The following GRIN2B variants were observed in gnomAD, a reference collection of about 807,000 sequenced individuals.
GRIN2B encodes glutamate ionotropic receptor NMDA type subunit 2B, also known as glutamate receptor ionotropic, NMDA 2B.
GRIN2B carries 5 observed loss-of-function variants against 114.5 expected under a neutral mutation model. The ratio of observed to expected loss-of-function variants is 0.04; its 90% CI spans 0.02 to 0.09. GRIN2B has a LOEUF of 0.09. GRIN2B is among the 10% of genes least tolerant of loss of function. GRIN2B has a pLI of 1.00. For missense variants in GRIN2B, 1,108 were observed against 1,943.5 expected (o/e 0.57, Z 8.08); for synonymous variants, 787 against 745.1 (o/e 1.06, Z -0.92).
At position 13,544,594 on chromosome 12, in the gene GRIN2B, G is replaced by C. The variant is rs1440652926; in HGVS notation, c.*18189C>G. On this transcript the variant is annotated 3_prime_UTR_variant, in exon 14 of 14. Coordinates refer to ENST00000609686, the MANE Select transcript of GRIN2B (RefSeq NM_000834.5). ...TTAAACTATAAGGCTTTCCTTCCCA[G>C]TCAGCCTCACCTGCAGGATTCCTGT... 1 of 152,120 alleles carries C rather than the reference G, an allele frequency of 6.6e-6. No homozygotes were observed. The highest frequency in any genetic ancestry group is 1.5e-5 in the Non-Finnish European group (1 of 68,052). The allele number at this position is 152,120 out of a possible 1,614,324, so 9.4% of individuals were successfully genotyped here.
intron 4 of GRIN2B, among the ~76,000 whole-genome samples, chr12:13,701,554 C>T (rs1027293077): frequency 1.3e-5 from 2 of 151,832 alleles, no homozygotes; most frequent in African/African-American, 2.4e-5. Context: ...CAGTTCCTGC[C>T]ACCACAGTGT....
chr12:13,726,116 A>G (rs1862979706), intron 4 of GRIN2B, among the ~76,000 whole-genome samples: 1 of 152,066 alleles, frequency 6.6e-6, no homozygotes, highest in Non-Finnish European at 1.5e-5. Flanking sequence ...CCTCTTAGCC[A>G]TTTCAGCATT....
intron 5 of GRIN2B, among the ~76,000 whole-genome samples, chr12:13,665,573 T>C (rs964730335): frequency 1.3e-5 from 2 of 152,218 alleles, no homozygotes; most frequent in East Asian, 1.9e-4. Flanking sequence ...TAGATGTAAA[T>C]GTCTACACCC....
chr12:13,926,206 G>C (rs989184322), intron 2 of GRIN2B, among the ~76,000 whole-genome samples: 2 of 152,150 alleles, frequency 1.3e-5, no homozygotes, highest in African/African-American at 2.4e-5. Context: ...GACCAGGCCA[G>C]GGAACTACTA....
intron 3 of GRIN2B, among the ~76,000 whole-genome samples, chr12:13,856,681 T>G (rs1461340765): frequency 6.6e-6 from 1 of 152,186 alleles, no homozygotes; most frequent in African/African-American, 2.4e-5. Flanking sequence ...TCTCAGATCC[T>G]TTATCATCTG....
Position 13,564,658 on chromosome 12 carries a change from G to T in GRIN2B, c.2599-19C>A, listed in dbSNP as rs3751258. 1.7e-4 allele frequency: 272 copies of T among 1,610,120 alleles called. 2 individuals are homozygous for T. The East Asian group carries it at 5.8e-3, about 35-fold the overall frequency. The stretch of plus-strand genomic sequence containing the variant: ...AGATACCCTGAAGCAAGAATGGAGG[G>T]ACAGGTTAGATCTCCAGAGAGGCTA... On this transcript the variant is annotated intron_variant, in intron 13 of 13. Transcript: ENST00000609686. This position sits in a 1 kb window ranked among gnomAD's most constrained non-coding sequence, Gnocchi z 4.8.
chr12:13,894,611 C>A (rs1408577919), intron 2 of GRIN2B, among the ~76,000 whole-genome samples: 1 of 151,456 alleles, frequency 6.6e-6, no homozygotes, highest in African/African-American at 2.4e-5. Flanking sequence ...TATTTTTTTT[C>A]CAAATATCCC....
intron 3 of GRIN2B, among the ~76,000 whole-genome samples, chr12:13,838,779 T>G: frequency 6.6e-6 from 1 of 152,174 alleles, no homozygotes; most frequent in African/African-American, 2.4e-5. Flanking sequence ...CCAGATGTCT[T>G]GCCCAAGAAA....
At chr12:13,827,151 C>T (rs1170732719) in intron 3 of GRIN2B, among the ~76,000 whole-genome samples, 1 of 147,322 alleles carries the variant, frequency 6.8e-6, no homozygotes, top group African/African-American at 2.5e-5. Context: ...CTTTTTTTCC[C>T]TCTGGCTGTT....
intron 3 of GRIN2B, among the ~76,000 whole-genome samples, chr12:13,801,802 C>T (rs1465064507): frequency 6.6e-6 from 1 of 152,108 alleles, no homozygotes; most frequent in African/African-American, 2.4e-5. Context: ...TTCATTTACT[C>T]ACTGTCTTAC....
chr12:13,687,685 T>G (rs1051691231), intron 4 of GRIN2B, among the ~76,000 whole-genome samples: 8 of 152,242 alleles, frequency 5.3e-5, no homozygotes, highest in Non-Finnish European at 8.8e-5. Flanking sequence ...GTTACAGCTT[T>G]GTCTTCTCTC....
chr12:13,884,805 A>G (rs1866128364), intron 2 of GRIN2B, among the ~76,000 whole-genome samples: 2 of 152,096 alleles, frequency 1.3e-5, no homozygotes, highest in African/African-American at 4.8e-5. Flanking sequence ...AATCATGAAT[A>G]TGTGTGTGTA....
intron 4 of GRIN2B, among the ~76,000 whole-genome samples, chr12:13,725,562 A>C (rs946748724): frequency 1.3e-5 from 2 of 152,104 alleles, no homozygotes; most frequent in African/African-American, 4.8e-5. Context: ...ACAGGACTTG[A>C]TCAAGAATGA....
At chr12:13,608,856 C>A (rs199524047) in intron 9 of GRIN2B, 24 bp from the exon 10 acceptor site, 1 of 1,565,384 alleles carries the variant, frequency 6.4e-7, no homozygotes, top group Non-Finnish European at 8.8e-7. Flanking sequence ...AAGACAAGGA[C>A]GAAAGTTAAG....
chr12:13,719,186 G>A (rs1244921674), intron 4 of GRIN2B, among the ~76,000 whole-genome samples: 1 of 152,044 alleles, frequency 6.6e-6, no homozygotes, highest in Non-Finnish European at 1.5e-5. Context: ...ACTCCCGCAA[G>A]CTCACCACCA....
chr12:13,661,633 G>C (rs1457551731), intron 5 of GRIN2B, among the ~76,000 whole-genome samples: 1 of 152,080 alleles, frequency 6.6e-6, no homozygotes, highest in Admixed American at 6.5e-5. Flanking sequence ...GAACTCATCC[G>C]TGTTCTAGGA....
intron 5 of GRIN2B, among the ~76,000 whole-genome samples, chr12:13,648,901 G>A (rs1227910776): frequency 6.6e-6 from 1 of 152,002 alleles, no homozygotes; most frequent in Non-Finnish European, 1.5e-5. Flanking sequence ...TAGGATATTG[G>A]TTTTAACATA....
At chr12:13,706,445 A>G (rs1467050544) in intron 4 of GRIN2B, among the ~76,000 whole-genome samples, 1 of 152,194 alleles carries the variant, frequency 6.6e-6, no homozygotes. Context: ...GGAGAACTCA[A>G]TCAGCAGAGA....
chr12:13,886,691 C>A (rs575056751), intron 2 of GRIN2B, among the ~76,000 whole-genome samples: 2 of 152,282 alleles, frequency 1.3e-5, no homozygotes. Context: ...TACTCACCCA[C>A]CACCCTCCCC....
Sources: allele counts gnomAD v4.1 joint callset (sites outside exome capture counted in the v4.1 genomes callset), GRCh38; gene constraint gnomAD v4.1.1; non-coding constraint Gnocchi (gnomAD v3.1); transcripts MANE v1.5; gene names NCBI Gene and HGNC (gene_info 2026-07-23, HGNC 2026-07-21).